The following CCDC3 variants were observed in gnomAD, a reference collection of about 807,000 sequenced individuals.
The protein encoded by CCDC3 is coiled-coil domain containing 3.
In CCDC3, 24 loss-of-function variants were observed where a neutral mutation model predicts 21.4. That is an observed-to-expected ratio of 1.12 (90% confidence interval 0.81 to 1.58). The LOEUF is 1.58. Ranked by LOEUF, CCDC3 falls within the 40% of genes most tolerant of loss-of-function variation. The pLI is 0.00. For synonymous variants in CCDC3, 186 were observed against 166.0 expected (o/e 1.12, Z -0.93); for missense variants, 425 against 360.9 (o/e 1.18, Z -1.44).
chr10:12,984,211 A>C (rs1364058221), intron 2 of CCDC3, among the ~76,000 whole-genome samples: 1 of 152,244 alleles, frequency 6.6e-6, no homozygotes, highest in Non-Finnish European at 1.5e-5. Flanking sequence ...ACTCAACAAT[A>C]AAAAGACAAC....
intron 4 of CCDC3, among the ~76,000 whole-genome samples, chr10:13,069,457 T>C (rs1483715494): frequency 2.0e-5 from 3 of 152,190 alleles, no homozygotes; most frequent in Non-Finnish European, 4.4e-5. Context: ...AATTTCTGAG[T>C]CATTATTTTG....
chr10:13,024,303 T>C (rs908232325), intron 5 of CCDC3, among the ~76,000 whole-genome samples: 4 of 152,150 alleles, frequency 2.6e-5, no homozygotes, highest in African/African-American at 9.7e-5. Flanking sequence ...GTAATCTCCA[T>C]TAGAGAAAAG....
intron 4 of CCDC3, among the ~76,000 whole-genome samples, chr10:13,054,863 C>T (rs1475077219): frequency 6.6e-6 from 1 of 152,186 alleles, no homozygotes; most frequent in African/African-American, 2.4e-5. Context: ...GATGCGGTTT[C>T]ACCATGTTGG....
At position 13,009,230 on chromosome 10, in the gene CCDC3, T is replaced by C. The variant is rs762914555; in HGVS notation, c.-1-10718A>G. 4.6e-5 allele frequency among the ~76,000 whole-genome samples: 7 copies of C among 152,300 alleles called. No homozygotes were observed. The East Asian group carries it at 9.6e-4, about 21-fold the overall frequency. ...TCTCATTAAATATGTAAAAGACTTA[T>C]ACATTGAGAACTACAAAACATTACT... is the stretch of plus-strand genomic sequence containing the variant. On this transcript the variant is annotated intron_variant, in intron 5 of 6. Coordinates refer to the CCDC3 transcript ENST00000378839.
chr10:12,952,015 C>T (rs947081040), intron 2 of CCDC3, among the ~76,000 whole-genome samples: 2 of 152,016 alleles, frequency 1.3e-5, no homozygotes, highest in African/African-American at 4.8e-5. Flanking sequence ...CACCATAGGC[C>T]ACGAGTATAC....
At chr10:13,077,845 T>C (rs966707276) in intron 3 of CCDC3, among the ~76,000 whole-genome samples, 5 of 152,222 alleles carry the variant, frequency 3.3e-5, no homozygotes, top group African/African-American at 1.2e-4. Flanking sequence ...TTACACCTTG[T>C]ACAAAAATAA....
At chr10:12,971,226 G>C (rs1406312347) in intron 2 of CCDC3, among the ~76,000 whole-genome samples, 1 of 152,192 alleles carries the variant, frequency 6.6e-6, no homozygotes, top group East Asian at 1.9e-4. Flanking sequence ...GCAGGAAAGG[G>C]GCCATCGTGG....
At chr10:12,956,545 G>T (rs893213261) in intron 2 of CCDC3, among the ~76,000 whole-genome samples, 4 of 152,220 alleles carry the variant, frequency 2.6e-5, no homozygotes, top group African/African-American at 7.2e-5. Context: ...GAAGCTTAAT[G>T]AGTCTAGACT....
chr10:13,092,223 T>C (rs1163498001), intron 3 of CCDC3, among the ~76,000 whole-genome samples: 2 of 152,204 alleles, frequency 1.3e-5, no homozygotes, highest in African/African-American at 4.8e-5. Flanking sequence ...CAGGAAATCA[T>C]TTTATAAAAA....
chr10:12,991,493 G>A (rs1835682382), intron 2 of CCDC3, among the ~76,000 whole-genome samples: 1 of 151,972 alleles, frequency 6.6e-6, no homozygotes, highest in Admixed American at 6.6e-5. Context: ...GCTAATTTTT[G>A]TGTGTTTAGT....
chr10:13,048,432 T>C (rs978064111), intron 5 of CCDC3, among the ~76,000 whole-genome samples: 4 of 152,158 alleles, frequency 2.6e-5, no homozygotes, highest in Non-Finnish European at 5.9e-5. Context: ...GACCTTGTGA[T>C]CTGCCCACCT....
In CCDC3 at chr10:13,015,226, A is replaced by G. The variant is rs367985954; in HGVS notation, c.-1-16714T>C. Among the ~76,000 whole-genome samples, 14 of 152,216 alleles carry G rather than the reference A, an allele frequency of 9.2e-5. No individual in the cohort carries two copies. In the South Asian group the frequency reaches 2.1e-3, roughly 23 times the overall value. ...TTGCCTGATGTAGTTACAGTAAAAG[A>G]TTTTAAAAGGACCTGTAAGACCCTC... On this transcript the variant is annotated intron_variant, in intron 5 of 6. Coordinates refer to the CCDC3 transcript ENST00000378839.
chr10:12,919,882 G>T lies in CCDC3; in HGVS notation c.550-21203C>A, dbSNP rs1429341376. ...TTTATGTAAGAAAAGCTATGCTCAG[G>T]AAAGAGAGAGGGAGTTTGACCAGGG... On this transcript the variant is annotated intron_variant, in intron 2 of 2. Transcript: ENST00000378825. Among the ~76,000 whole-genome samples, 3 of 152,166 alleles carry T rather than the reference G, an allele frequency of 2.0e-5. No homozygotes were observed. The South Asian group carries it at 6.2e-4, about 32-fold the overall frequency.
chr10:12,933,700 C>CG (rs1280451635), intron 2 of CCDC3, among the ~76,000 whole-genome samples: 1 of 152,024 alleles, frequency 6.6e-6, no homozygotes, highest in African/African-American at 2.4e-5. Context: ...TCAAGTGATC[C>CG]GCCCGACTCG....
At chr10:12,912,820 T>C (rs953539330) in intron 2 of CCDC3, among the ~76,000 whole-genome samples, 12 of 152,216 alleles carry the variant, frequency 7.9e-5, no homozygotes, top group African/African-American at 2.9e-4. Flanking sequence ...TTTCATTCTC[T>C]GCACGTAGAT....
At chr10:12,949,400 C>T (rs1053352960) in intron 2 of CCDC3, among the ~76,000 whole-genome samples, 6 of 152,142 alleles carry the variant, frequency 3.9e-5, no homozygotes, top group East Asian at 1.9e-4. Context: ...GGAATGCAGA[C>T]GTGATATGGC....
In CCDC3 at chr10:12,942,090, C is replaced by T. The variant is rs1305804917; in HGVS notation, c.550-43411G>A. Among the ~76,000 whole-genome samples the T allele has an allele frequency of 2.0e-5, 3 of 152,254 alleles. No homozygotes were observed. The East Asian group carries it at 5.8e-4, about 29-fold the overall frequency. On this transcript the variant is annotated intron_variant, in intron 2 of 2. Coordinates refer to ENST00000378825, the MANE Select transcript of CCDC3 (RefSeq NM_031455.4). The stretch of plus-strand genomic sequence containing the variant: ...TGCCTTTGAGATGTCCATTTTCTCT[C>T]TTGTTTTCTCTAGAACCTTACAGCT...
intron 2 of CCDC3, among the ~76,000 whole-genome samples, chr10:12,993,940 T>G (rs1461902771): frequency 6.6e-6 from 1 of 152,052 alleles, no homozygotes; most frequent in Non-Finnish European, 1.5e-5. Flanking sequence ...CCGTAAGATT[T>G]CCCCCTCTTC....
At chr10:12,933,265 A>G (rs2131229415) in intron 2 of CCDC3, among the ~76,000 whole-genome samples, 1 of 152,250 alleles carries the variant, frequency 6.6e-6, no homozygotes, top group East Asian at 1.9e-4. Flanking sequence ...TTTACCAGTG[A>G]ATCCATCTGG....
Sources: gnomAD v4.1 joint callset for allele counts (sites outside exome capture counted in the v4.1 genomes callset) on GRCh38, gnomAD v4.1.1 for gene constraint, MANE v1.5 for transcripts, NCBI Gene and HGNC (gene_info 2026-07-23, HGNC 2026-07-21) for gene names.